Variants in GALNT13 observed in about 807,000 individuals in gnomAD.
The protein encoded by GALNT13 is polypeptide N-acetylgalactosaminyltransferase 13, also known as UDP-GalNAc:polypeptide N-acetylgalactosaminyltransferase 13.
GALNT13 carries 28 observed loss-of-function variants against 64.2 expected under a neutral mutation model. The observed-to-expected ratio is 0.44, with a 90% CI of 0.32 to 0.60. The LOEUF (loss-of-function observed/expected upper bound fraction) is 0.60, where lower values mean the gene tolerates loss of function less well. GALNT13 is among the 20% of genes least tolerant of loss of function. The pLI is 0.05. For missense variants in GALNT13, 577 were observed against 669.8 expected, an observed-to-expected ratio of 0.86 and a Z score of 1.53; for synonymous variants, 214 against 224.6, an observed-to-expected ratio of 0.95 and a Z score of 0.42.
At chr2:153,781,369 T>G in the GALNT13 span, among the ~76,000 whole-genome samples, 1 of 152,208 alleles carries the variant, frequency 6.6e-6, no homozygotes, top group African/African-American at 2.4e-5. Context: ...CCCTGCCATC[T>G]TGTCCTGTTA....
At chr2:153,402,698 C>G in the GALNT13 span, among the ~76,000 whole-genome samples, 1 of 152,042 alleles carries the variant, frequency 6.6e-6, no homozygotes, top group African/African-American at 2.4e-5. Flanking sequence ...TTGCTGATAC[C>G]CTTTCTTCCT....
At chr2:153,596,785 G>A in the GALNT13 span, among the ~76,000 whole-genome samples, 1 of 151,926 alleles carries the variant, frequency 6.6e-6, no homozygotes, top group African/African-American at 2.4e-5. Context: ...ATATATGTGT[G>A]TACATATGCA....
rs1691578103 is a variant in GALNT13 at position 153,944,609 on chromosome 2, A to G, written c.112A>G (p.Lys38Glu). The change falls in exon 3 of 13, where the codon AAG becomes GAG. Residue 38 changes from lysine (K) to glutamate (E), a missense_variant. This residue lies in a region of GALNT13 where 341 missense variants were observed against 379.3 expected (regional missense o/e 0.90). Coordinates refer to ENST00000392825, the MANE Select transcript of GALNT13 (RefSeq NM_052917.4). ...FSECNKCDDK[K>E]ERSLLPALRA... ...TGAATGTAACAAATGTGATGACAAG[A>G]AGGAGAGATCTCTGCTGCCTGCATT... The G allele has an allele frequency of 6.2e-7, 1 of 1,613,506 alleles. No individual in the cohort carries two copies.
chr2:154,162,816 G>A (rs68136927), intron 4 of GALNT13, among the ~76,000 whole-genome samples: 7,940 of 151,986 alleles, frequency 0.052, 294 homozygotes, highest in South Asian at 0.11. Flanking sequence ...TGTTAGTTTG[G>A]TGCCACTTTT....
the GALNT13 span, among the ~76,000 whole-genome samples, chr2:153,838,699 G>A: frequency 3.6e-3 from 544 of 151,994 alleles, 5 homozygotes; most frequent in African/African-American, 0.013. Context: ...GTAGTGTGAT[G>A]CATCCAGTTT....
chr2:153,298,757 A>C, the GALNT13 span, among the ~76,000 whole-genome samples: 17 of 152,300 alleles, frequency 1.1e-4, 1 homozygote, highest in African/African-American at 4.1e-4. Flanking sequence ...ACCAAACCCA[A>C]GGAATAACTT....
In GALNT13 at chr2:153,919,709, A is replaced by G. The variant is rs144830116; in HGVS notation, c.-105+18702A>G. On this transcript the variant is annotated intron_variant, in intron 2 of 12. Transcript: ENST00000392825. ...TTTTCTTTTTCCAAGTTGTGTTAAC[A>G]AATTATTTTGCTCATCCTAATATTG... Among the ~76,000 whole-genome samples the G allele has an allele frequency of 4.1e-3, 619 of 151,930 alleles. 3 individuals are homozygous for G. Among genetic ancestry groups the G allele is most frequent in the African/African-American group, 0.014 (592 of 41,546 alleles).
At chr2:154,148,673 C>G (rs1375256588) in intron 4 of GALNT13, among the ~76,000 whole-genome samples, 2 of 152,136 alleles carry the variant, frequency 1.3e-5, no homozygotes. Context: ...TCTCTGATAG[C>G]CAGTGATGGT....
chr2:154,239,024 A>G (rs1421046834), intron 4 of GALNT13, among the ~76,000 whole-genome samples: 1 of 152,142 alleles, frequency 6.6e-6, no homozygotes, highest in Non-Finnish European at 1.5e-5. Flanking sequence ...ATTAATTAAA[A>G]TATTAGCCCT....
the GALNT13 span, among the ~76,000 whole-genome samples, chr2:153,441,013 G>A: frequency 2.0e-5 from 3 of 152,238 alleles, no homozygotes; most frequent in East Asian, 5.8e-4. Flanking sequence ...TAGTCATGAA[G>A]TCTTTGTCCA....
At chr2:153,495,170 A>T in the GALNT13 span, among the ~76,000 whole-genome samples, 4 of 152,158 alleles carry the variant, frequency 2.6e-5, no homozygotes, top group Admixed American at 6.5e-5. Flanking sequence ...ATGTAGAACA[A>T]CTAGAATTCT....
At chr2:153,353,427 C>T in the GALNT13 span, among the ~76,000 whole-genome samples, 1 of 152,230 alleles carries the variant, frequency 6.6e-6, no homozygotes, top group South Asian at 2.1e-4. Flanking sequence ...CCTTTATAAT[C>T]TATTTCCCTT....
intron 1 of GALNT13, among the ~76,000 whole-genome samples, chr2:153,880,366 G>T (rs991234729): frequency 2.5e-4 from 38 of 151,596 alleles, no homozygotes; most frequent in African/African-American, 9.2e-4. Context: ...GCTTTTCTTT[G>T]GTGTTTTTTA....
chr2:153,562,076 G>C, the GALNT13 span, among the ~76,000 whole-genome samples: 3,893 of 100,952 alleles, frequency 0.039, 204 homozygotes, highest in East Asian at 0.26. Flanking sequence ...GTGTGTGTGT[G>C]TGTGTGTGTG....
chr2:153,952,472 C>T (rs1385114035), intron 3 of GALNT13, among the ~76,000 whole-genome samples: 2 of 151,330 alleles, frequency 1.3e-5, no homozygotes, highest in Non-Finnish European at 2.9e-5. Flanking sequence ...TATTATCTAG[C>T]CTTTGGTTAG....
intron 11 of GALNT13, among the ~76,000 whole-genome samples, chr2:154,432,547 T>C (rs1398705991): frequency 8.5e-5 from 13 of 152,214 alleles, no homozygotes; most frequent in Non-Finnish European, 1.5e-4. Context: ...TGTCTTATAG[T>C]TCTGGAGGCT....
chr2:153,123,854 A>C, the GALNT13 span, among the ~76,000 whole-genome samples: 2 of 152,172 alleles, frequency 1.3e-5, no homozygotes, highest in African/African-American at 4.8e-5. Context: ...GTTCTTAATG[A>C]TTCTCACCTC....
chr2:154,283,450 T>A (rs1455346741), intron 8 of GALNT13, among the ~76,000 whole-genome samples: 1 of 152,008 alleles, frequency 6.6e-6, no homozygotes, highest in Admixed American at 6.6e-5. Flanking sequence ...TGAGCTAAAC[T>A]TTTTTTAGAC....
At chr2:153,070,038 C>G in the GALNT13 span, among the ~76,000 whole-genome samples, 2 of 152,122 alleles carry the variant, frequency 1.3e-5, no homozygotes, top group African/African-American at 4.8e-5. Flanking sequence ...CTTACTCACT[C>G]AGAATTTTTT....
Sources: allele counts gnomAD v4.1 joint callset (sites outside exome capture counted in the v4.1 genomes callset), GRCh38; gene constraint gnomAD v4.1.1; regional missense constraint gnomAD v4.1.1; transcripts MANE v1.5; gene names NCBI Gene and HGNC (gene_info 2026-07-23, HGNC 2026-07-21).